WWOX: variants seen among roughly 807,000 people sequenced by gnomAD.
WWOX encodes the protein WW domain-containing oxidoreductase.
A neutral mutation model predicts 46.2 loss-of-function variants in WWOX; 69 were observed. The ratio of observed to expected loss-of-function variants is 1.49; its 90% CI spans 1.23 to 1.82. The LOEUF (loss-of-function observed/expected upper bound fraction) is 1.82, where lower values mean the gene tolerates loss of function less well. WWOX is among the 40% of genes most tolerant of loss of function. WWOX has a pLI of 0.00. For synonymous variants in WWOX, 359 were observed against 202.6 expected (o/e 1.77, Z -6.56); for missense variants, 919 against 542.6 (o/e 1.69, Z -6.89).
chr16:78,444,518 G>A (rs1277553992), intron 8 of WWOX, among the ~76,000 whole-genome samples: 2 of 151,154 alleles, frequency 1.3e-5, no homozygotes, highest in Non-Finnish European at 2.9e-5. Flanking sequence ...ACAGTTATGG[G>A]ATGAGGAGCA....
At chr16:78,271,404 A>G (rs2079475206) in intron 5 of WWOX, among the ~76,000 whole-genome samples, 1 of 152,158 alleles carries the variant, frequency 6.6e-6, no homozygotes, top group African/African-American at 2.4e-5. Flanking sequence ...ACATTGTTAC[A>G]TCCTACAAGC....
intron 8 of WWOX, among the ~76,000 whole-genome samples, chr16:79,037,438 C>T (rs1435695217): frequency 6.6e-6 from 1 of 152,092 alleles, no homozygotes; most frequent in Non-Finnish European, 1.5e-5. Flanking sequence ...GGGTACTAGA[C>T]TGGGGGTTCG....
At chr16:79,019,537 G>C (rs998195586) in intron 8 of WWOX, among the ~76,000 whole-genome samples, 1 of 152,112 alleles carries the variant, frequency 6.6e-6, no homozygotes, top group Non-Finnish European at 1.5e-5. Context: ...TTGACTGAAA[G>C]TTGTCATGTA....
intron 5 of WWOX, among the ~76,000 whole-genome samples, chr16:78,370,357 C>T (rs2081644579): frequency 6.6e-6 from 1 of 151,940 alleles, no homozygotes; most frequent in Admixed American, 6.6e-5. Flanking sequence ...GAGTTCAGTA[C>T]ATAGTAAGTA....
intron 8 of WWOX, among the ~76,000 whole-genome samples, chr16:79,097,494 G>A (rs1024656217): frequency 9.2e-5 from 14 of 152,094 alleles, no homozygotes; most frequent in Non-Finnish European, 1.5e-4. Flanking sequence ...TATTTTGTTC[G>A]CAGTGGCACC....
chr16:78,539,648 C>T (rs866333077), intron 8 of WWOX, among the ~76,000 whole-genome samples: 9 of 152,270 alleles, frequency 5.9e-5, no homozygotes, highest in African/African-American at 1.7e-4. Context: ...TGTGTGTGTG[C>T]AAATTGTACT....
At chr16:78,970,668 G>A (rs910205023) in intron 8 of WWOX, among the ~76,000 whole-genome samples, 2 of 152,126 alleles carry the variant, frequency 1.3e-5, no homozygotes, top group Non-Finnish European at 2.9e-5. Flanking sequence ...AATTTGCTGA[G>A]AATTCATTTG....
At chr16:78,969,063 A>G (rs1201614183) in intron 8 of WWOX, among the ~76,000 whole-genome samples, 1 of 151,930 alleles carries the variant, frequency 6.6e-6, no homozygotes, top group Non-Finnish European at 1.5e-5. Flanking sequence ...TTGTCTTGTT[A>G]TTTCCTCCAT....
intron 5 of WWOX, among the ~76,000 whole-genome samples, chr16:78,356,167 A>G (rs980360570): frequency 1.4e-4 from 21 of 147,876 alleles, no homozygotes; most frequent in Non-Finnish European, 2.8e-4. Flanking sequence ...AGCTTGGGCG[A>G]CAGAGCGAGA....
At chr16:78,162,875 T>C (rs2034841860) in intron 4 of WWOX, among the ~76,000 whole-genome samples, 1 of 152,206 alleles carries the variant, frequency 6.6e-6, no homozygotes, top group African/African-American at 2.4e-5. Context: ...AGCTGTGTCT[T>C]GTATTCTGTT....
At chr16:78,826,003 A>G (rs1264883475) in intron 8 of WWOX, 2 of 618,756 alleles carry the variant, frequency 3.2e-6, no homozygotes, top group East Asian at 2.9e-5. Flanking sequence ...TCCCCATAGC[A>G]TAACGGGCTG....
At chr16:78,625,520 G>A (rs1567445688) in intron 8 of WWOX, among the ~76,000 whole-genome samples, 1 of 152,026 alleles carries the variant, frequency 6.6e-6, no homozygotes, top group Non-Finnish European at 1.5e-5. Context: ...CAAGACTGTA[G>A]TACCAAGTTC....
chr16:78,101,135 C>T (rs868382226), intron 1 of WWOX, among the ~76,000 whole-genome samples: 46 of 151,668 alleles, frequency 3.0e-4, no homozygotes, highest in African/African-American at 1.1e-3. Flanking sequence ...GCAGCCTCCG[C>T]CTCCCGGGTT....
chr16:78,562,632 A>G (rs1276044529), intron 8 of WWOX, among the ~76,000 whole-genome samples: 3 of 152,190 alleles, frequency 2.0e-5, no homozygotes, highest in African/African-American at 7.2e-5. Flanking sequence ...GTTTCCATAC[A>G]TAGCTCTTTG....
chr16:78,656,857 C>T (rs772636554), intron 8 of WWOX, among the ~76,000 whole-genome samples: 2 of 152,136 alleles, frequency 1.3e-5, no homozygotes, highest in Admixed American at 6.5e-5. Context: ...TCATGGGAAA[C>T]AGGAAGACAT....
chr16:78,756,533 A>C (rs1278100645), intron 8 of WWOX, among the ~76,000 whole-genome samples: 2 of 152,182 alleles, frequency 1.3e-5, no homozygotes, highest in African/African-American at 4.8e-5. Context: ...ACACGAGAAA[A>C]GTTGGAAGAA....
chr16:78,990,678 G>A (rs2046869864), intron 8 of WWOX, among the ~76,000 whole-genome samples: 2 of 152,108 alleles, frequency 1.3e-5, no homozygotes, highest in Admixed American at 6.6e-5. Flanking sequence ...AAAGAGAGAG[G>A]GAGAAGCACA....
intron 8 of WWOX, among the ~76,000 whole-genome samples, chr16:78,725,916 C>A (rs372196902): frequency 1.7e-4 from 26 of 152,152 alleles, no homozygotes; most frequent in African/African-American, 5.8e-4. Flanking sequence ...TCCTTTTCTT[C>A]TCTTTTTTCT....
In WWOX at chr16:78,817,651, C is replaced by G. The variant is rs373832713; in HGVS notation, c.1056+384899C>G. On this transcript the variant is annotated intron_variant, in intron 8 of 8. Coordinates refer to ENST00000566780, the MANE Select transcript of WWOX (RefSeq NM_016373.4). ...TTTAGCCCCTGTTAAGTCCTGTACT[C>G]CTGGGTATTGGGGATGAGTCTTTGT... 1.1e-4 allele frequency among the ~76,000 whole-genome samples: 16 copies of G among 152,274 alleles called. No homozygotes were observed. In the South Asian group the frequency reaches 2.9e-3, roughly 28 times the overall value.
Sources: allele counts gnomAD v4.1 joint callset (sites outside exome capture counted in the v4.1 genomes callset), GRCh38; gene constraint gnomAD v4.1.1; transcripts MANE v1.5; gene names NCBI Gene and HGNC (gene_info 2026-07-23, HGNC 2026-07-21).